GADL1: variants seen among roughly 807,000 people sequenced by gnomAD.
The protein encoded by GADL1 is GAD like acidic amino acid decarboxylase 1, also known as acidic amino acid decarboxylase GADL1.
GADL1 carries 71 observed loss-of-function variants against 69.5 expected under a neutral mutation model. The ratio of observed to expected loss-of-function variants is 1.02; its 90% CI spans 0.84 to 1.25. GADL1 has a LOEUF of 1.25. Among genes scored for constraint, GADL1 ranks in the 50% most tolerant of loss-of-function variants. GADL1 has a pLI of 0.00. For missense variants in GADL1, 737 were observed against 631.8 expected (o/e 1.17, Z -1.79); for synonymous variants, 254 against 214.4 (o/e 1.18, Z -1.62).
chr3:30,889,357 G>A (rs534890910), intron 1 of GADL1, among the ~76,000 whole-genome samples: 1 of 152,288 alleles, frequency 6.6e-6, no homozygotes, highest in East Asian at 1.9e-4. Context: ...ACTTTACAAA[G>A]TTTCTCGTTC....
Position 30,778,220 on chromosome 3 carries a change from C to T in GADL1, c.1351G>A (p.Glu451Lys). 3 of 1,612,920 alleles carry T rather than the reference C, an allele frequency of 1.9e-6. No individual in the cohort carries two copies. Among genetic ancestry groups the T allele is most frequent in the Non-Finnish European group, 2.5e-6 (3 of 1,179,016 alleles). The stretch of plus-strand genomic sequence containing the variant: ...CAGAACTCGGGTCCTTCTTCCATCT[C>T]TCTGAGGCTCGGTGGAATGTACCAA... ...CFWYIPPSLREMEEGPEFWAK... is the reference protein window; with the variant it reads ...CFWYIPPSLRKMEEGPEFWAK... The change falls in exon 14 of 15, where the codon GAG (glutamate) becomes AAG (lysine). Residue 451 changes from glutamate (E) to lysine (K), a missense_variant. Coordinates refer to ENST00000282538, the MANE Select transcript of GADL1 (RefSeq NM_207359.3).
At chr3:30,849,463 A>G (rs914946553) in intron 6 of GADL1, among the ~76,000 whole-genome samples, 14 of 152,174 alleles carry the variant, frequency 9.2e-5, no homozygotes, top group African/African-American at 3.1e-4. Flanking sequence ...CTCAAAGCCT[A>G]TGCGCTTATC....
chr3:30,863,960 G>A (rs1057456616), intron 1 of GADL1, among the ~76,000 whole-genome samples: 1 of 152,018 alleles, frequency 6.6e-6, no homozygotes, highest in Non-Finnish European at 1.5e-5. Flanking sequence ...TGCAGCAAAG[G>A]ATCAATCTTT....
Position 30,871,795 on chromosome 3 carries a change from C to T in GADL1, c.38-10030G>A, listed in dbSNP as rs147265676. Reference sequence around the variant, plus strand: ...AAACACCATCCAGCTTCTGAGAGAACGTGCTCCTCAGAAGGGAGTCTCTGA... The same window carrying T: ...AAACACCATCCAGCTTCTGAGAGAATGTGCTCCTCAGAAGGGAGTCTCTGA... On this transcript the variant is annotated intron_variant, in intron 1 of 14. Coordinates refer to ENST00000282538, the MANE Select transcript of GADL1 (RefSeq NM_207359.3). 7.9e-5 allele frequency among the ~76,000 whole-genome samples: 12 copies of T among 151,904 alleles called. No homozygotes were observed. The East Asian group carries it at 9.7e-4, about 12-fold the overall frequency.
At chr3:30,729,349 A>G (rs1695420386) in intron 14 of GADL1, among the ~76,000 whole-genome samples, 1 of 152,174 alleles carries the variant, frequency 6.6e-6, no homozygotes, top group South Asian at 2.1e-4. Context: ...AAATACAAGC[A>G]AAGTTTTTCC....
intron 11 of GADL1, among the ~76,000 whole-genome samples, chr3:30,818,907 T>C (rs184006232): frequency 8.3e-4 from 127 of 152,274 alleles, no homozygotes; most frequent in Non-Finnish European, 4.0e-4. Flanking sequence ...ACTTGAGGCC[T>C]GCTTCTTGCT....
At chr3:30,769,335 ATC>A (rs1332287634) in intron 14 of GADL1, among the ~76,000 whole-genome samples, 2 of 152,068 alleles carry the variant, frequency 1.3e-5, no homozygotes, top group African/African-American at 4.8e-5. Context: ...CTGTATCCTT[ATC>A]TGTTAGGATA....
intron 13 of GADL1, among the ~76,000 whole-genome samples, chr3:30,782,812 G>A (rs1043312889): frequency 8.5e-5 from 13 of 152,244 alleles, no homozygotes; most frequent in African/African-American, 2.9e-4. Context: ...AACTAAGACA[G>A]GGGAGACTAT....
intron 11 of GADL1, among the ~76,000 whole-genome samples, chr3:30,816,294 C>CT (rs957315417): frequency 1.3e-5 from 2 of 151,974 alleles, no homozygotes; most frequent in African/African-American, 4.8e-5. Flanking sequence ...AACAGTAGGA[C>CT]TTAGGACTCA....
At chr3:30,839,790 TG>T (rs1697937436) in intron 8 of GADL1, among the ~76,000 whole-genome samples, 1 of 152,124 alleles carries the variant, frequency 6.6e-6, no homozygotes, top group Non-Finnish European at 1.5e-5. Context: ...CTGCATCTTG[TG>T]GCATGAACGG....
At chr3:30,740,875 A>G (rs954041851) in intron 14 of GADL1, among the ~76,000 whole-genome samples, 1 of 145,700 alleles carries the variant, frequency 6.9e-6, no homozygotes, top group East Asian at 1.9e-4. Flanking sequence ...TTTCCTGAAC[A>G]ATTTTTATAT....
At chr3:30,732,255 C>G (rs985778494) in intron 14 of GADL1, among the ~76,000 whole-genome samples, 2 of 152,108 alleles carry the variant, frequency 1.3e-5, no homozygotes, top group African/African-American at 4.8e-5. Context: ...AGATACCACC[C>G]CTAAATGGGG....
chr3:30,750,597 G>T lies in GADL1; in HGVS notation c.1393-22182C>A, dbSNP rs556348467. 3.3e-5 allele frequency among the ~76,000 whole-genome samples: 5 copies of T among 152,054 alleles called. No individual in the cohort carries two copies. The East Asian group carries it at 5.8e-4, about 18-fold the overall frequency. ...TCCAGTGTAATGAAATGATGCAAAC[G>T]CCCACTGTATAAAAATTTCCGTCTA... On this transcript the variant is annotated intron_variant, in intron 14 of 14. Transcript: ENST00000282538.
At chr3:30,824,545 G>A (rs566272415) in intron 11 of GADL1, among the ~76,000 whole-genome samples, 10 of 151,560 alleles carry the variant, frequency 6.6e-5, no homozygotes, top group African/African-American at 1.7e-4. Flanking sequence ...ATAAATGCCC[G>A]TCAACAATAG....
Position 30,854,578 on chromosome 3 carries a change from C to T in GADL1, c.428+121G>A. ...ACTGATAAGTATCATAAAACTATTC[C>T]ATTATTTGCGATGGCACTATGCAAA... On this transcript the variant is annotated intron_variant, in intron 4 of 14. Coordinates refer to ENST00000282538, the MANE Select transcript of GADL1 (RefSeq NM_207359.3). 4 of 600,082 alleles carry T rather than the reference C, an allele frequency of 6.7e-6. No homozygotes were observed. In the South Asian group the frequency reaches 7.2e-5, roughly 11 times the overall value. 37.2% of individuals were successfully genotyped at this position (600,082 alleles called of 1,614,324 possible).
intron 14 of GADL1, among the ~76,000 whole-genome samples, chr3:30,768,482 A>G (rs1696338281): frequency 6.6e-6 from 1 of 150,710 alleles, no homozygotes; most frequent in South Asian, 2.1e-4. Context: ...AGCCTTGGAC[A>G]TATTTATCAA....
intron 1 of GADL1, among the ~76,000 whole-genome samples, chr3:30,875,488 G>A (rs1290783609): frequency 2.6e-5 from 4 of 151,970 alleles, no homozygotes; most frequent in East Asian, 1.9e-4. Flanking sequence ...GTTCAGTTAT[G>A]TTCTTGGTCC....
intron 14 of GADL1, among the ~76,000 whole-genome samples, chr3:30,757,164 T>C (rs1463111944): frequency 6.6e-6 from 1 of 152,172 alleles, no homozygotes; most frequent in African/African-American, 2.4e-5. Context: ...GCTATACCTC[T>C]GCTCCCAAAA....
At chr3:30,752,358 C>T (rs1005857163) in intron 14 of GADL1, among the ~76,000 whole-genome samples, 8 of 151,754 alleles carry the variant, frequency 5.3e-5, no homozygotes, top group South Asian at 4.1e-4. Flanking sequence ...AGTTTAAGCA[C>T]AATCTATTTA....
Sources: gnomAD v4.1 joint callset for allele counts (sites outside exome capture counted in the v4.1 genomes callset) on GRCh38, gnomAD v4.1.1 for gene constraint, MANE v1.5 for transcripts, NCBI Gene and HGNC (gene_info 2026-07-23, HGNC 2026-07-21) for gene names.